The following FANCB variants were observed in gnomAD, a reference collection of about 807,000 sequenced individuals.
The protein encoded by FANCB is Fanconi anemia group B protein.
In FANCB, 5 loss-of-function variants were observed where a neutral mutation model predicts 38.9. The ratio of observed to expected loss-of-function variants is 0.13; its 90% confidence interval spans 0.07 to 0.27. The LOEUF (loss-of-function observed/expected upper bound fraction) is 0.27, where lower values mean the gene tolerates loss of function less well. Among genes scored for constraint, FANCB ranks in the 10% least tolerant of loss-of-function variants. The pLI, the probability that FANCB is intolerant of heterozygous loss-of-function variation, is 1.00. For missense variants in FANCB, 573 were observed against 602.7 expected (o/e 0.95, Z 0.52); for synonymous variants, 236 against 215.4 (o/e 1.10, Z -0.84).
the FANCB span, among the ~76,000 whole-genome samples, chrX:14,806,980 G>A: frequency 1.8e-5 from 2 of 111,448 alleles, no homozygotes; most frequent in African/African-American, 6.5e-5. Context: ...TAATGACATG[G>A]TTTGATTCAA....
the FANCB span, among the ~76,000 whole-genome samples, chrX:14,794,840 G>A: frequency 8.9e-6 from 1 of 112,184 alleles, no homozygotes. Context: ...TAGCTTGTTT[G>A]TAGTTTATAT....
chrX:14,703,147 G>A, the FANCB span, among the ~76,000 whole-genome samples: 1 of 112,024 alleles, frequency 8.9e-6, no homozygotes, highest in Non-Finnish European at 1.9e-5. Context: ...AATGGAATGT[G>A]TAAAATTTGA....
At chrX:14,695,337 A>C in the FANCB span, among the ~76,000 whole-genome samples, 1 of 111,755 alleles carries the variant, frequency 8.9e-6, no homozygotes, top group Admixed American at 9.5e-5. Flanking sequence ...TCATGGGGGG[A>C]TATATTTTTT....
downstream of FANCB, chrX:14,835,089 G>T (rs1048899733): frequency 7.5e-5 from 41 of 547,041 alleles, no homozygotes; most frequent in Non-Finnish European, 1.2e-4. Flanking sequence ...CATTTTCAAA[G>T]TTGCCAGTGT....
the FANCB span, among the ~76,000 whole-genome samples, chrX:14,758,531 C>T: frequency 8.9e-6 from 1 of 112,277 alleles, no homozygotes; most frequent in African/African-American, 3.2e-5. Flanking sequence ...GACCTAAAGA[C>T]AGTTCACATC....
the FANCB span, among the ~76,000 whole-genome samples, chrX:14,711,059 T>C: frequency 1.8e-5 from 2 of 112,533 alleles, no homozygotes; most frequent in African/African-American, 6.5e-5. Flanking sequence ...ATTAGTTTCC[T>C]TGGAGCCATT....
chrX:14,822,519 A>T, the FANCB span, among the ~76,000 whole-genome samples: 69 of 108,865 alleles, frequency 6.3e-4, 1 homozygote, highest in East Asian at 0.014. Context: ...AGTATTCCTA[A>T]CTAGTAAATG....
At position 14,844,000 on chromosome X, in the gene FANCB, C is replaced by G. The variant is rs2092364480; in HGVS notation, c.2166-19G>C. 8.5e-7 allele frequency: 1 copy of G among 1,176,784 alleles called. No homozygotes were observed. Among genetic ancestry groups the G allele is most frequent in the East Asian group, 3.0e-5 (1 of 33,657 alleles). ...TTGATTCCTAAAATAAAAAAACAAA[C>G]AAAATATTACAAAAATTAGGACAGC... On this transcript the variant is annotated intron_variant, in intron 9 of 9. Transcript: ENST00000650831.
the FANCB span, among the ~76,000 whole-genome samples, chrX:14,748,131 ACT>A: frequency 9.0e-6 from 1 of 111,306 alleles, no homozygotes; most frequent in African/African-American, 3.3e-5. Context: ...GTTACAAAAG[ACT>A]CTGACATCTG....
chrX:14,836,698 T>C (rs1343837970), intron 10 of FANCB, among the ~76,000 whole-genome samples: 1 of 112,122 alleles, frequency 8.9e-6, no homozygotes, highest in Non-Finnish European at 1.9e-5. Context: ...TGAGATTCTC[T>C]CTGAATGATG....
the FANCB span, among the ~76,000 whole-genome samples, chrX:14,719,601 G>A: frequency 9.0e-6 from 1 of 111,591 alleles, no homozygotes; most frequent in Non-Finnish European, 1.9e-5. Context: ...ATATACTGTT[G>A]GTGGGAATGT....
At chrX:14,777,817 G>A in the FANCB span, among the ~76,000 whole-genome samples, 51,412 of 110,959 alleles carry the variant, frequency 0.46, 9,256 homozygotes, top group Non-Finnish European at 0.58. Flanking sequence ...ATCACTACCC[G>A]ATATCACGAT....
At chrX:14,738,135 G>A in the FANCB span, among the ~76,000 whole-genome samples, 4 of 112,261 alleles carry the variant, frequency 3.6e-5, no homozygotes, top group East Asian at 1.1e-3. Flanking sequence ...GTCTTGGATG[G>A]CAAGAGGACT....
chrX:14,870,378 T>G (rs1420863406), intron 1 of FANCB, among the ~76,000 whole-genome samples: 1 of 111,162 alleles, frequency 9.0e-6, no homozygotes, highest in African/African-American at 3.3e-5. Context: ...CTATTTGACT[T>G]TTTACTTATT....
the FANCB span, among the ~76,000 whole-genome samples, chrX:14,776,436 A>G: frequency 9.0e-6 from 1 of 111,648 alleles, no homozygotes; most frequent in South Asian, 3.8e-4. Context: ...GAGACTTGGA[A>G]TTTGTGCCCG....
At chrX:14,854,656 T>C (rs781673436) in intron 5 of FANCB, among the ~76,000 whole-genome samples, 27 of 111,582 alleles carry the variant, frequency 2.4e-4, no homozygotes, top group Non-Finnish European at 2.6e-4. Context: ...CACTGAACCT[T>C]GCTTTTTTGT....
the FANCB span, among the ~76,000 whole-genome samples, chrX:14,766,877 T>C: frequency 9.0e-6 from 1 of 110,634 alleles, no homozygotes; most frequent in Non-Finnish European, 1.9e-5. Flanking sequence ...ATGTGTGTTG[T>C]TCCCCATCCT....
the FANCB span, among the ~76,000 whole-genome samples, chrX:14,743,873 C>A: frequency 1.8e-5 from 2 of 111,664 alleles, no homozygotes; most frequent in African/African-American, 3.3e-5. Context: ...TCTGCCTCTG[C>A]CTTTACATGG....
the FANCB span, among the ~76,000 whole-genome samples, chrX:14,769,657 C>T: frequency 3.6e-5 from 4 of 111,547 alleles, no homozygotes; most frequent in African/African-American, 1.3e-4. Context: ...CCATCTCCTT[C>T]AGTTCAGCTC....
Sources: gnomAD v4.1 joint callset for allele counts (sites outside exome capture counted in the v4.1 genomes callset) on GRCh38, gnomAD v4.1.1 for gene constraint, MANE v1.5 for transcripts, NCBI Gene and HGNC (gene_info 2026-07-23, HGNC 2026-07-21) for gene names.